Variants in PRKG1 observed in about 807,000 individuals in gnomAD.
PRKG1 encodes cGMP-dependent protein kinase 1.
Under a neutral mutation model 88.1 loss-of-function variants are expected in PRKG1, and 35 were observed. That is an observed-to-expected ratio of 0.40 (90% CI 0.30 to 0.53). The LOEUF is 0.53. PRKG1 is among the 20% of genes least tolerant of loss of function. PRKG1 has a pLI of 0.59. For missense variants in PRKG1, 540 were observed against 839.8 expected (o/e 0.64, Z 4.41); for synonymous variants, 303 against 292.5 (o/e 1.04, Z -0.37).
chr10:51,643,815 T>C (rs1262877768), intron 3 of PRKG1, among the ~76,000 whole-genome samples: 2 of 152,110 alleles, frequency 1.3e-5, no homozygotes, highest in Non-Finnish European at 2.9e-5. Flanking sequence ...AACAAAACTT[T>C]TAATTATAGA....
chr10:51,222,141 C>CTCCCA (rs1420341561), intron 2 of PRKG1, among the ~76,000 whole-genome samples: 1 of 150,520 alleles, frequency 6.6e-6, no homozygotes, highest in Non-Finnish European at 1.5e-5. Flanking sequence ...CGACCCCAGC[C>CTCCCA]TCCCAAAGTG....
At chr10:51,911,295 A>C (rs142381559) in intron 5 of PRKG1, 2 of 150,400 alleles carry the variant, frequency 1.3e-5, no homozygotes, top group Non-Finnish European at 3.0e-5. Flanking sequence ...CTAAAGCACA[A>C]ATTTATTAGC....
intron 3 of PRKG1, among the ~76,000 whole-genome samples, chr10:51,681,982 T>C (rs1353948073): frequency 6.6e-6 from 1 of 152,222 alleles, no homozygotes; most frequent in Non-Finnish European, 1.5e-5. Context: ...CAAACTTTTC[T>C]ATTGGGTTAT....
At chr10:52,224,576 G>A (rs1371176811) in intron 9 of PRKG1, among the ~76,000 whole-genome samples, 1 of 66,342 alleles carries the variant, frequency 1.5e-5, no homozygotes, top group Non-Finnish European at 3.5e-5. Context: ...CACCATATTT[G>A]TAGTCTATCC....
intron 13 of PRKG1, 102 bp from the exon 14 acceptor site, chr10:52,282,049 CAT>C: frequency 8.8e-7 from 1 of 1,135,248 alleles, no homozygotes; most frequent in Non-Finnish European, 1.2e-6. Context: ...TAAAAACATA[CAT>C]GTTTTTAAAT....
Position 52,229,731 on chromosome 10 carries a change from TG to T in PRKG1, c.1077-21838del, listed in dbSNP as rs142987083. ...GTCTCCTACAAGCTCAGGGAATAGTTGAAGGTAAGCGTCTTGTGCTGAAGCA... is the reference window on the plus strand; with the variant it reads ...GTCTCCTACAAGCTCAGGGAATAGTTAAGGTAAGCGTCTTGTGCTGAAGCA... On this transcript the variant is annotated intron_variant, in intron 9 of 17. Coordinates refer to ENST00000373980, the MANE Select transcript of PRKG1 (RefSeq NM_006258.4). Among the ~76,000 whole-genome samples, 908 of 152,330 alleles carry T rather than the reference TG, an allele frequency of 6.0e-3. 2 individuals are homozygous for T. The highest frequency in any genetic ancestry group is 8.3e-3 in the Non-Finnish European group (562 of 68,034).
chr10:52,012,349 C>G (rs1844909946), intron 5 of PRKG1, among the ~76,000 whole-genome samples: 1 of 151,592 alleles, frequency 6.6e-6, no homozygotes, highest in South Asian at 2.1e-4. Context: ...TCAAGCCATT[C>G]TCCTGCCTCA....
intron 4 of PRKG1, among the ~76,000 whole-genome samples, chr10:51,816,123 A>AT (rs1839578291): frequency 1.3e-5 from 2 of 152,222 alleles, no homozygotes; most frequent in Non-Finnish European, 2.9e-5. Context: ...AGGCATTTCC[A>AT]TTTTACTGAG....
At chr10:51,182,699 C>T (rs193021732) in intron 2 of PRKG1, among the ~76,000 whole-genome samples, 42 of 152,200 alleles carry the variant, frequency 2.8e-4, no homozygotes, top group African/African-American at 7.5e-4. Context: ...AACAAAATCT[C>T]AAGTGGCAGA....
intron 5 of PRKG1, among the ~76,000 whole-genome samples, chr10:51,990,582 T>G (rs1037319702): frequency 5.3e-5 from 8 of 152,174 alleles, no homozygotes; most frequent in Non-Finnish European, 8.8e-5. Flanking sequence ...ACTTTTATTT[T>G]AAGTTCAGGA....
intron 9 of PRKG1, among the ~76,000 whole-genome samples, chr10:52,162,294 A>G (rs897939862): frequency 3.9e-5 from 6 of 152,144 alleles, no homozygotes; most frequent in Non-Finnish European, 2.9e-5. Context: ...TGTGTTCCAT[A>G]GTTGCTTGTG....
At chr10:51,438,144 A>C (rs1020052282) in intron 2 of PRKG1, among the ~76,000 whole-genome samples, 1 of 151,746 alleles carries the variant, frequency 6.6e-6, no homozygotes, top group African/African-American at 2.4e-5. Context: ...AAAGCACTGG[A>C]TGCAAATAAT....
intron 5 of PRKG1, among the ~76,000 whole-genome samples, chr10:52,022,980 A>G (rs1024462523): frequency 5.3e-5 from 8 of 152,130 alleles, no homozygotes; most frequent in African/African-American, 1.4e-4. Flanking sequence ...GGTTTATTAC[A>G]TAGGTATACA....
chr10:52,008,689 A>G (rs754205466), intron 5 of PRKG1, among the ~76,000 whole-genome samples: 3 of 152,282 alleles, frequency 2.0e-5, no homozygotes, highest in East Asian at 3.9e-4. Flanking sequence ...TACAAGATGT[A>G]TAAAGAAGAG....
chr10:51,452,648 A>G (rs1027464145), intron 2 of PRKG1, among the ~76,000 whole-genome samples: 1 of 151,938 alleles, frequency 6.6e-6, no homozygotes, highest in Non-Finnish European at 1.5e-5. Context: ...AACCCACTTG[A>G]TCATGGTGGA....
intron 1 of PRKG1, among the ~76,000 whole-genome samples, chr10:51,052,861 A>T (rs1470512179): frequency 6.6e-6 from 1 of 152,210 alleles, no homozygotes; most frequent in Non-Finnish European, 1.5e-5. Context: ...GGTCTTATAA[A>T]GGCCATCAGA....
intron 2 of PRKG1, among the ~76,000 whole-genome samples, chr10:51,403,769 G>A (rs1437806892): frequency 2.6e-5 from 4 of 152,116 alleles, no homozygotes; most frequent in Admixed American, 2.6e-4. Context: ...GGGATGATTT[G>A]CTGCTCTATA....
chr10:51,497,046 CAT>C (rs1269104183), intron 3 of PRKG1, among the ~76,000 whole-genome samples: 2 of 152,150 alleles, frequency 1.3e-5, no homozygotes, highest in African/African-American at 4.8e-5. Flanking sequence ...TATTTGAAAA[CAT>C]GTACTTACGG....
chr10:51,995,962 G>A (rs1292728898), intron 5 of PRKG1, among the ~76,000 whole-genome samples: 1 of 152,094 alleles, frequency 6.6e-6, no homozygotes, highest in African/African-American at 2.4e-5. Flanking sequence ...AAATATATCA[G>A]TGGGATTACA....
Sources: allele counts gnomAD v4.1 joint callset (sites outside exome capture counted in the v4.1 genomes callset), GRCh38; gene constraint gnomAD v4.1.1; transcripts MANE v1.5; gene names NCBI Gene and HGNC (gene_info 2026-07-23, HGNC 2026-07-21).